The following TEAD1 variants were observed in gnomAD, a reference collection of about 807,000 sequenced individuals.
TEAD1 encodes the protein transcriptional enhancer factor TEF-1.
Under a neutral mutation model 54.9 loss-of-function variants are expected in TEAD1, and 9 were observed. The observed-to-expected ratio is 0.16, with a 90% confidence interval of 0.10 to 0.29. TEAD1 has a LOEUF of 0.29. TEAD1 is among the 10% of genes least tolerant of loss of function. The probability of loss-of-function intolerance (pLI) is 1.00; values close to 1 mark genes in which losing one functional copy is unlikely to be tolerated. For missense variants in TEAD1, 387 were observed against 535.9 expected, an observed-to-expected ratio of 0.72 and a Z score of 2.74; for synonymous variants, 200 against 187.8, an observed-to-expected ratio of 1.07 and a Z score of -0.53.
chr11:12,777,018 C>G (rs916250633), intron 3 of TEAD1, among the ~76,000 whole-genome samples: 2 of 151,920 alleles, frequency 1.3e-5, no homozygotes, highest in Non-Finnish European at 2.9e-5. Context: ...GTCTCTAACT[C>G]CCGACCTCAG....
At chr11:12,776,755 T>C (rs1025154354) in intron 3 of TEAD1, among the ~76,000 whole-genome samples, 6 of 118,002 alleles carry the variant, frequency 5.1e-5, no homozygotes, top group Admixed American at 9.9e-5. Context: ...CCCATTTGGA[T>C]ATTTATTATT....
intron 3 of TEAD1, among the ~76,000 whole-genome samples, chr11:12,807,686 G>T (rs1946205034): frequency 6.6e-6 from 1 of 152,224 alleles, no homozygotes. Flanking sequence ...ACATTTTGTG[G>T]TAAGAGAACC....
intron 2 of TEAD1, among the ~76,000 whole-genome samples, chr11:12,745,801 C>G (rs1944735881): frequency 6.6e-6 from 1 of 151,868 alleles, no homozygotes; most frequent in Non-Finnish European, 1.5e-5. Context: ...TGTCCATCTA[C>G]CTTTCACCAC....
At chr11:12,924,544 T>C (rs1483888192) in intron 10 of TEAD1, among the ~76,000 whole-genome samples, 1 of 152,186 alleles carries the variant, frequency 6.6e-6, no homozygotes, top group African/African-American at 2.4e-5. Context: ...TGCAGTCTCT[T>C]GTTTTTTTTA....
intron 3 of TEAD1, among the ~76,000 whole-genome samples, chr11:12,796,227 C>T (rs1470943087): frequency 6.6e-6 from 1 of 152,120 alleles, no homozygotes; most frequent in East Asian, 1.9e-4. Flanking sequence ...TTTGTCCACC[C>T]CAGGAGCTTG....
intron 2 of TEAD1, among the ~76,000 whole-genome samples, chr11:12,700,634 AT>A (rs1437615811): frequency 6.6e-6 from 1 of 152,198 alleles, no homozygotes; most frequent in East Asian, 1.9e-4. Context: ...TCTAGAAATT[AT>A]GCTTCTTAAC....
At chr11:12,728,359 A>C (rs150575791) in intron 2 of TEAD1, among the ~76,000 whole-genome samples, 2 of 152,136 alleles carry the variant, frequency 1.3e-5, no homozygotes, top group Non-Finnish European at 2.9e-5. Context: ...TTGCACCTGT[A>C]TATTAGTTAC....
chr11:12,860,023 A>G (rs1160410634), intron 3 of TEAD1, among the ~76,000 whole-genome samples: 3 of 152,320 alleles, frequency 2.0e-5, no homozygotes, highest in South Asian at 2.1e-4. Context: ...CTGGACTCCA[A>G]GCTTTGAAAG....
chr11:12,918,496 TGTTA>T (rs1407298297), intron 10 of TEAD1, among the ~76,000 whole-genome samples: 2 of 152,164 alleles, frequency 1.3e-5, no homozygotes, highest in Non-Finnish European at 2.9e-5. Flanking sequence ...GGTTATTTAC[TGTTA>T]GTTGGGAAGC....
At chr11:12,754,166 T>C (rs998071558) in intron 2 of TEAD1, among the ~76,000 whole-genome samples, 1 of 152,224 alleles carries the variant, frequency 6.6e-6, no homozygotes, top group African/African-American at 2.4e-5. Context: ...GCAGTTTAAG[T>C]CGTTCAGCTT....
At chr11:12,824,043 A>G (rs1005070341) in intron 3 of TEAD1, among the ~76,000 whole-genome samples, 3 of 152,202 alleles carry the variant, frequency 2.0e-5, no homozygotes, top group African/African-American at 7.2e-5. Flanking sequence ...AAAATTAAGA[A>G]TATGAACTCT....
chr11:12,686,386 C>G (rs976353823), intron 2 of TEAD1, among the ~76,000 whole-genome samples: 5 of 152,184 alleles, frequency 3.3e-5, no homozygotes, highest in Non-Finnish European at 5.9e-5. Context: ...ACAACTTTCC[C>G]TTCAAACCTG....
At chr11:12,701,356 G>T (rs751176911) in intron 2 of TEAD1, among the ~76,000 whole-genome samples, 1 of 152,234 alleles carries the variant, frequency 6.6e-6, no homozygotes, top group Non-Finnish European at 1.5e-5. Context: ...TATGTTGGGG[G>T]TGATTAGGGC....
At chr11:12,796,497 G>A (rs1191942697) in intron 3 of TEAD1, among the ~76,000 whole-genome samples, 3 of 151,928 alleles carry the variant, frequency 2.0e-5, no homozygotes, top group Non-Finnish European at 4.4e-5. Context: ...AGGCTGAGGC[G>A]GGCGGATCAC....
chr11:12,912,948 C>T (rs540723127), intron 10 of TEAD1, among the ~76,000 whole-genome samples: 1 of 152,272 alleles, frequency 6.6e-6, no homozygotes, highest in Admixed American at 6.5e-5. Flanking sequence ...TTTAATTCCA[C>T]TCCCTTCTGT....
chr11:12,737,058 A>T (rs1590099875), intron 2 of TEAD1, among the ~76,000 whole-genome samples: 1 of 152,180 alleles, frequency 6.6e-6, no homozygotes, highest in East Asian at 1.9e-4. Flanking sequence ...GTTCTGTTGG[A>T]CAGGTGAATG....
rs1176865272 is a variant in TEAD1 at position 12,840,246 on chromosome 11, C to CAAAAAAAAAAA, written c.203-21998_203-21988dup. Among the ~76,000 whole-genome samples, 293 of 31,380 alleles carry CAAAAAAAAAAA rather than the reference C, an allele frequency of 9.3e-3. 15 individuals are homozygous for CAAAAAAAAAAA. Among genetic ancestry groups the CAAAAAAAAAAA allele is most frequent in the African/African-American group, 0.013 (84 of 6,264 alleles). The allele number at this position is 31,380 out of a possible 152,430, so 20.6% of individuals were successfully genotyped here. On this transcript the variant is annotated intron_variant, in intron 3 of 12. Coordinates refer to ENST00000527636, the MANE Select transcript of TEAD1 (RefSeq NM_021961.6). ...TGGGCGACAGAGCGAGACTCTGCCT[C>CAAAAAAAAAAA]AAAAAAAAAAAAAAAAGAAAAAAAA...
chr11:12,872,125 A>G (rs1947758800), intron 5 of TEAD1, among the ~76,000 whole-genome samples: 1 of 152,184 alleles, frequency 6.6e-6, no homozygotes, highest in Admixed American at 6.5e-5. Flanking sequence ...AATTCTTTTG[A>G]GTTCAAGAAC....
intron 3 of TEAD1, among the ~76,000 whole-genome samples, chr11:12,790,954 T>TC (rs1945788802): frequency 6.6e-6 from 1 of 152,222 alleles, no homozygotes; most frequent in Non-Finnish European, 1.5e-5. Flanking sequence ...GCCTGGCAGT[T>TC]CCTCAAAATG....
Sources: gnomAD v4.1 joint callset for allele counts (sites outside exome capture counted in the v4.1 genomes callset) on GRCh38, gnomAD v4.1.1 for gene constraint, MANE v1.5 for transcripts, NCBI Gene and HGNC (gene_info 2026-07-23, HGNC 2026-07-21) for gene names.